ANO3: variants seen among roughly 807,000 people sequenced by gnomAD.
The protein encoded by ANO3 is anoctamin 3.
ANO3 carries 99 observed loss-of-function variants against 144.8 expected under a neutral mutation model. The observed-to-expected ratio is 0.68, with a 90% CI of 0.58 to 0.81. ANO3 has a LOEUF of 0.81. ANO3 is among the 30% of genes least tolerant of loss of function. The probability of loss-of-function intolerance (pLI) is 0.00; values close to 1 mark genes in which losing one functional copy is unlikely to be tolerated. For synonymous variants in ANO3, 414 were observed against 392.6 expected (o/e 1.05, Z -0.64); for missense variants, 905 against 1,202.2 (o/e 0.75, Z 3.66).
At chr11:26,649,077 T>A (rs11825485) in intron 24 of ANO3, among the ~76,000 whole-genome samples, 1,883 of 152,338 alleles carry the variant, frequency 0.012, 45 homozygotes, top group African/African-American at 0.043. Context: ...GAGTTGTAAC[T>A]TTGCCTTTTT....
At chr11:26,636,927 C>T (rs961701523) in intron 20 of ANO3, among the ~76,000 whole-genome samples, 9 of 152,166 alleles carry the variant, frequency 5.9e-5, no homozygotes, top group Admixed American at 6.5e-5. Flanking sequence ...AACTACCCTG[C>T]CAGGTTCTCA....
chr11:26,582,113 T>G (rs1261113759), intron 14 of ANO3, among the ~76,000 whole-genome samples: 3 of 152,234 alleles, frequency 2.0e-5, no homozygotes, highest in African/African-American at 7.2e-5. Flanking sequence ...TAGAAATATA[T>G]GCACCTTTCA....
chr11:26,259,829 G>A (rs1354349167), intron 1 of ANO3, among the ~76,000 whole-genome samples: 1 of 151,918 alleles, frequency 6.6e-6, no homozygotes, highest in Non-Finnish European at 1.5e-5. Context: ...CTTACATAAA[G>A]AAAATTACTC....
chr11:26,430,246 C>CCA (rs752637742), intron 1 of ANO3, among the ~76,000 whole-genome samples: 1 of 67,788 alleles, frequency 1.5e-5, no homozygotes, highest in Non-Finnish European at 3.4e-5. Context: ...AAGCAACTGT[C>CCA]TAAAAAAAAA....
chr11:26,246,407 C>A (rs1852794852), intron 1 of ANO3, among the ~76,000 whole-genome samples: 1 of 149,304 alleles, frequency 6.7e-6, no homozygotes, highest in Middle Eastern at 3.5e-3. Flanking sequence ...GTCATATTTT[C>A]TAATTTTTAT....
chr11:26,474,472 T>G (rs1859889674), intron 4 of ANO3, among the ~76,000 whole-genome samples: 1 of 151,894 alleles, frequency 6.6e-6, no homozygotes, highest in Non-Finnish European at 1.5e-5. Context: ...TATTTTCAAT[T>G]TTTCTTAATA....
At chr11:26,480,432 G>A (rs564921117) in intron 4 of ANO3, among the ~76,000 whole-genome samples, 6 of 152,164 alleles carry the variant, frequency 3.9e-5, no homozygotes, top group African/African-American at 7.2e-5. Context: ...GTTTGTTTAT[G>A]AAACAACATG....
At chr11:26,610,837 TC>T (rs1852079284) in intron 17 of ANO3, among the ~76,000 whole-genome samples, 1 of 152,124 alleles carries the variant, frequency 6.6e-6, no homozygotes, top group Admixed American at 6.5e-5. Flanking sequence ...AGTGTCCAGA[TC>T]TTCTGTTTCT....
intron 1 of ANO3, among the ~76,000 whole-genome samples, chr11:26,371,883 A>G (rs1337910272): frequency 1.3e-5 from 2 of 152,166 alleles, no homozygotes; most frequent in African/African-American, 2.4e-5. Context: ...GTGCAGACTC[A>G]TAGGTGGAAG....
intron 1 of ANO3, among the ~76,000 whole-genome samples, chr11:26,206,470 T>C (rs541890482): frequency 5.3e-5 from 8 of 152,240 alleles, no homozygotes; most frequent in African/African-American, 1.7e-4. Context: ...TCCTAGACAA[T>C]GTCAAAAAAT....
At chr11:26,408,467 A>G (rs1857346323) in intron 1 of ANO3, among the ~76,000 whole-genome samples, 1 of 151,338 alleles carries the variant, frequency 6.6e-6, no homozygotes, top group Admixed American at 6.6e-5. Flanking sequence ...TTAAAAAGTC[A>G]GGAAACAACA....
upstream of ANO3, among the ~76,000 whole-genome samples, chr11:26,327,352 T>G (rs969828914): frequency 6.6e-6 from 1 of 152,162 alleles, no homozygotes; most frequent in Non-Finnish European, 1.5e-5. Flanking sequence ...TGCCATTAAG[T>G]GATGTTATTC....
chr11:26,335,576 T>C (rs1211826825), intron 1 of ANO3, among the ~76,000 whole-genome samples: 1 of 152,174 alleles, frequency 6.6e-6, no homozygotes, highest in East Asian at 1.9e-4. Context: ...CCATAGAAAT[T>C]TTTAGGTTTG....
intron 1 of ANO3, among the ~76,000 whole-genome samples, chr11:26,321,996 C>A (rs1166594364): frequency 1.1e-4 from 16 of 152,018 alleles, no homozygotes; most frequent in South Asian, 1.0e-3. Flanking sequence ...ATTCCTCAAG[C>A]TTTTTTATAT....
intron 1 of ANO3, among the ~76,000 whole-genome samples, chr11:26,376,344 A>AT (rs1856406131): frequency 6.6e-6 from 1 of 152,210 alleles, no homozygotes. Context: ...CTTAAAAAAA[A>AT]GACAGGGAAA....
chr11:26,332,410 T>G, intron 1 of ANO3, 89 bp downstream of exon 1: 2 of 1,286,450 alleles, frequency 1.6e-6, no homozygotes, highest in Non-Finnish European at 2.3e-6. Flanking sequence ...CTTTGCAGGC[T>G]TATGCGACAC....
At chr11:26,289,163 T>C (rs1853877161) in intron 1 of ANO3, among the ~76,000 whole-genome samples, 1 of 152,128 alleles carries the variant, frequency 6.6e-6, no homozygotes, top group South Asian at 2.1e-4. Flanking sequence ...AATAGAGATT[T>C]ATCTGTGTGG....
intron 1 of ANO3, among the ~76,000 whole-genome samples, chr11:26,278,318 G>A (rs544428353): frequency 1.0e-3 from 156 of 152,238 alleles, no homozygotes; most frequent in African/African-American, 2.8e-3. Flanking sequence ...AAAATTGTGA[G>A]GAATGGGACT....
chr11:26,320,383 T>A (rs1251730768), intron 1 of ANO3, among the ~76,000 whole-genome samples: 5 of 152,108 alleles, frequency 3.3e-5, no homozygotes, highest in Non-Finnish European at 5.9e-5. Context: ...ATAGTTAGAG[T>A]TTAGCAAAGT....
Sources: allele counts gnomAD v4.1 joint callset (sites outside exome capture counted in the v4.1 genomes callset), GRCh38; gene constraint gnomAD v4.1.1; transcripts MANE v1.5; gene names NCBI Gene and HGNC (gene_info 2026-07-23, HGNC 2026-07-21).